Variants in CYP2B6 observed in about 807,000 individuals in gnomAD.
CYP2B6 encodes cytochrome P450 2B6.
Under a neutral mutation model 43.4 loss-of-function variants are expected in CYP2B6, and 35 were observed. The observed-to-expected ratio is 0.81, with a 90% CI of 0.62 to 1.07. The LOEUF (loss-of-function observed/expected upper bound fraction) is 1.07. Ranked by LOEUF, CYP2B6 falls within the 50% of genes least tolerant of loss-of-function variation. The pLI, the probability that CYP2B6 is intolerant of heterozygous loss-of-function variation, is 0.00. For missense variants in CYP2B6, 624 were observed against 632.8 expected (o/e 0.99, Z 0.15); for synonymous variants, 239 against 239.2 (o/e 1.00, Z 0.01).
At chr19:41,005,818 A>G (rs1397562898) in intron 3 of CYP2B6, among the ~76,000 whole-genome samples, 68 of 151,848 alleles carry the variant, frequency 4.5e-4, no homozygotes, top group African/African-American at 1.6e-3. Flanking sequence ...AAAGAACGGC[A>G]GGGGGGAGAC....
At chr19:40,995,842 A>G (rs1250289153) in intron 1 of CYP2B6, among the ~76,000 whole-genome samples, 1 of 152,140 alleles carries the variant, frequency 6.6e-6, no homozygotes, top group African/African-American at 2.4e-5. Context: ...GACTGGAGAG[A>G]CCAAAAAAGG....
chr19:41,000,800 A>T (rs1969071097), intron 1 of CYP2B6, among the ~76,000 whole-genome samples: 1 of 152,022 alleles, frequency 6.6e-6, no homozygotes, highest in Non-Finnish European at 1.5e-5. Flanking sequence ...GCACTTTGGG[A>T]GGCTGAAGCA....
chr19:41,007,278 G>A, intron 4 of CYP2B6: 1 of 580,054 alleles, frequency 1.7e-6, no homozygotes, highest in Non-Finnish European at 3.1e-6. Flanking sequence ...GCGTGATGGG[G>A]AGGCAGAAAT....
At position 41,012,361 on chromosome 19, in the gene CYP2B6, GA is replaced by G; in HGVS notation, c.1029del (p.Ala344ProfsTer49). On this transcript the variant is annotated frameshift_variant, in exon 7 of 9. Transcript: ENST00000324071. LOFTEE classifies it high-confidence loss of function. ...GPHRPPELHD[R>X]AKMPYTEAVI... Reference sequence around the variant, plus strand: ...CATCGCCCTCCAGAGCTTCATGACCGAGCCAAAATGCCATACACAGAGGCAG... The same window carrying G: ...CATCGCCCTCCAGAGCTTCATGACCGGCCAAAATGCCATACACAGAGGCAG... 6.2e-7 allele frequency: 1 copy of G among 1,614,106 alleles called. No homozygotes were observed. The highest frequency in any genetic ancestry group is 8.5e-7 in the Non-Finnish European group (1 of 1,180,014).
rs145594100 is a variant in CYP2B6, at chr19:41,001,662, C to T, written c.172-2339C>T. Among the ~76,000 whole-genome samples the T allele has an allele frequency of 2.9e-3, 446 of 152,194 alleles. 3 individuals are homozygous for T. The highest frequency in any genetic ancestry group is 0.01 in the African/African-American group (427 of 41,478). On this transcript the variant is annotated intron_variant, in intron 1 of 8. Transcript: ENST00000324071. The stretch of plus-strand genomic sequence containing the variant: ...TAAGTGCTCATTAAATGGCAACTAC[C>T]TTGATCCACTCATTCATTTATTCAC...
intron 8 of CYP2B6, among the ~76,000 whole-genome samples, chr19:41,013,291 A>G (rs1220800919): frequency 6.6e-6 from 1 of 152,248 alleles, no homozygotes; most frequent in African/African-American, 2.4e-5. Context: ...CACAAAGGAC[A>G]TGCTCACAAG....
intron 8 of CYP2B6, among the ~76,000 whole-genome samples, chr19:41,016,357 G>A (rs1298527273): frequency 1.2e-3 from 161 of 133,910 alleles, no homozygotes; most frequent in African/African-American, 4.2e-3. Flanking sequence ...CCAAGATGGT[G>A]CCACTGTGCT....
chr19:41,009,593 G>A, intron 5 of CYP2B6, 198 bp downstream of exon 5: 2 of 652,472 alleles, frequency 3.1e-6, no homozygotes, highest in Non-Finnish European at 5.3e-6. Context: ...AAAATAGGGA[G>A]GAGGAACTGA....
At chr19:41,006,325 A>ATTTTTT (rs35039672) in intron 3 of CYP2B6, among the ~76,000 whole-genome samples, 5 of 118,536 alleles carry the variant, frequency 4.2e-5, no homozygotes, top group Admixed American at 9.3e-5. Context: ...GTCTAGCTAC[A>ATTTTTT]TTTTTTTTTT....
intron 1 of CYP2B6, among the ~76,000 whole-genome samples, chr19:40,992,925 A>G (rs1968943615): frequency 6.6e-6 from 1 of 152,100 alleles, no homozygotes; most frequent in Non-Finnish European, 1.5e-5. Context: ...ACTTTGAGGA[A>G]TGTGGACTTG....
chr19:41,004,597 G>A (rs1036817009), intron 3 of CYP2B6, 151 bp downstream of exon 3: 37 of 916,954 alleles, frequency 4.0e-5, no homozygotes, highest in Non-Finnish European at 4.6e-5. Context: ...GAGACAGAGA[G>A]GGAGAGAGAC....
chr19:40,992,354 A>T (rs1968932996), intron 1 of CYP2B6, among the ~76,000 whole-genome samples: 1 of 152,064 alleles, frequency 6.6e-6, no homozygotes, highest in African/African-American at 2.4e-5. Context: ...GGGCATCAAC[A>T]TTACTTCTGT....
intron 1 of CYP2B6, among the ~76,000 whole-genome samples, chr19:40,994,528 G>A (rs538618757): frequency 1.3e-5 from 2 of 152,180 alleles, no homozygotes; most frequent in Non-Finnish European, 2.9e-5. Flanking sequence ...TTTTAATAGA[G>A]TTGGGGTCGT....
At chr19:41,006,720 C>A (rs28399488) in intron 3 of CYP2B6, among the ~76,000 whole-genome samples, 185 bp from the exon 4 acceptor site, 4 of 152,096 alleles carry the variant, frequency 2.6e-5, no homozygotes, top group African/African-American at 9.7e-5. Flanking sequence ...ATTGCATCTG[C>A]CTCACATTGT....
chr19:40,995,092 T>A (rs1296084257), intron 1 of CYP2B6, among the ~76,000 whole-genome samples: 1 of 152,130 alleles, frequency 6.6e-6, no homozygotes. Context: ...ATTCACAGAT[T>A]ATAGTCCTAT....
chr19:41,002,839 G>T (rs11672911), intron 1 of CYP2B6, among the ~76,000 whole-genome samples: 1 of 151,864 alleles, frequency 6.6e-6, no homozygotes, highest in African/African-American at 2.4e-5. Context: ...GAGTCACCAC[G>T]CCTGGCCCTG....
At chr19:41,003,906 G>C in intron 1 of CYP2B6, 95 bp from the exon 2 acceptor site, 1 of 1,518,492 alleles carries the variant, frequency 6.6e-7, no homozygotes, top group Non-Finnish European at 9.0e-7. Context: ...TTGGGGAGGG[G>C]CTAATTACCA....
chr19:41,002,105 C>A (rs1429696793), intron 1 of CYP2B6, among the ~76,000 whole-genome samples: 1 of 152,012 alleles, frequency 6.6e-6, no homozygotes, highest in African/African-American at 2.4e-5. Context: ...CATGTAGGAC[C>A]ATGTGAACCC....
At chr19:41,005,355 T>A (rs535461293) in intron 3 of CYP2B6, among the ~76,000 whole-genome samples, 1 of 152,016 alleles carries the variant, frequency 6.6e-6, no homozygotes, top group Non-Finnish European at 1.5e-5. Context: ...GACTCTGGGA[T>A]GTAAATGCAG....
Sources: allele counts gnomAD v4.1 joint callset (sites outside exome capture counted in the v4.1 genomes callset), GRCh38; gene constraint gnomAD v4.1.1; transcripts MANE v1.5; gene names NCBI Gene and HGNC (gene_info 2026-07-23, HGNC 2026-07-21).